Variants in MSH3 observed in about 807,000 individuals in gnomAD.
The protein encoded by MSH3 is mutS homolog 3.
A neutral mutation model predicts 123.3 loss-of-function variants in MSH3; 106 were observed. The observed-to-expected ratio is 0.86, with a 90% CI of 0.73 to 1.01. The LOEUF (loss-of-function observed/expected upper bound fraction) is 1.01. Ranked by LOEUF, MSH3 falls within the 50% of genes least tolerant of loss-of-function variation. The pLI is 0.00. For synonymous variants in MSH3, 515 were observed against 481.4 expected (o/e 1.07, Z -0.91); for missense variants, 1,459 against 1,347.6 (o/e 1.08, Z -1.29).
At chr5:80,849,782 T>C (rs901206286) in intron 20 of MSH3, among the ~76,000 whole-genome samples, 1 of 152,128 alleles carries the variant, frequency 6.6e-6, no homozygotes, top group Non-Finnish European at 1.5e-5. Context: ...CATGAAGACC[T>C]CTGACATGCC....
In MSH3 at chr5:80,665,254, A is replaced by G. The variant is rs1348473206; in HGVS notation, c.470A>G (p.Gln157Arg). 8 of 1,613,350 alleles carry G rather than the reference A, an allele frequency of 5.0e-6. No individual in the cohort carries two copies. The Admixed American group carries it at 1.0e-4, about 20-fold the overall frequency. Residue 157 changes from glutamine (Q) to arginine (R), a missense_variant, in exon 3 of 24, where the codon CAG (glutamine) becomes CGG (arginine). Physicochemically the swap from Gln to Arg is conservative, Grantham distance 43 (BLOSUM62 1). Transcript: ENST00000265081. ...PQSRVQTESL[Q>R]ERFAVLPKCT... is the part of the protein sequence containing the mutation. ...AGTAGAGTCCAGACAGAATCTCTGC[A>G]GGAGAGATTTGCAGTTCTGCCAAAA...
chr5:80,771,375 A>G (rs1365634405), intron 15 of MSH3, among the ~76,000 whole-genome samples: 1 of 151,772 alleles, frequency 6.6e-6, no homozygotes, highest in Non-Finnish European at 1.5e-5. Context: ...GCTACTCGGG[A>G]GACTAAGGTA....
chr5:80,844,383 G>A (rs1333881665), intron 20 of MSH3, among the ~76,000 whole-genome samples: 1 of 152,116 alleles, frequency 6.6e-6, no homozygotes, highest in African/African-American at 2.4e-5. Context: ...CTGTTGATTT[G>A]GGGTGTGGAG....
intron 6 of MSH3, among the ~76,000 whole-genome samples, chr5:80,674,728 AT>A (rs113148744): frequency 0.015 from 2,316 of 152,094 alleles, 44 homozygotes; most frequent in African/African-American, 0.044. Context: ...TCATTTTATT[AT>A]TTTTTTCTTT....
intron 20 of MSH3, among the ~76,000 whole-genome samples, chr5:80,853,521 A>G (rs1225806257): frequency 6.6e-6 from 1 of 152,146 alleles, no homozygotes; most frequent in Non-Finnish European, 1.5e-5. Flanking sequence ...AGGCTTTAAG[A>G]AGTCTTACAG....
chr5:80,778,997 CT>C (rs368557083), intron 17 of MSH3, among the ~76,000 whole-genome samples, 161 bp downstream of exon 17: 74 of 131,204 alleles, frequency 5.6e-4, no homozygotes, highest in Admixed American at 6.1e-4. Context: ...TTTTTTTTTA[CT>C]TTTTTTTTTT....
At chr5:80,753,590 AAC>A (rs1344298482) in intron 12 of MSH3, among the ~76,000 whole-genome samples, 3 of 152,210 alleles carry the variant, frequency 2.0e-5, no homozygotes, top group Non-Finnish European at 4.4e-5. Flanking sequence ...TGTGTTCGTT[AAC>A]ACAAAAGGCA....
intron 8 of MSH3, among the ~76,000 whole-genome samples, chr5:80,688,757 T>A (rs1283382486): frequency 3.3e-5 from 5 of 151,860 alleles, no homozygotes; most frequent in Admixed American, 3.3e-4. Context: ...TTTTTTTTTT[T>A]AAAGAATGAG....
intron 10 of MSH3, among the ~76,000 whole-genome samples, chr5:80,734,444 A>AGT (rs754543357): frequency 1.3e-5 from 2 of 152,218 alleles, no homozygotes; most frequent in Non-Finnish European, 2.9e-5. Context: ...TGAATTGCAT[A>AGT]GTGTGTGAAT....
At chr5:80,661,427 T>C (rs1749431617) in intron 2 of MSH3, among the ~76,000 whole-genome samples, 1 of 152,222 alleles carries the variant, frequency 6.6e-6, no homozygotes, top group South Asian at 2.1e-4. Flanking sequence ...CTATGTCTAA[T>C]CTGCTGTAAA....
chr5:80,755,344 C>T (rs1033534257), intron 12 of MSH3, among the ~76,000 whole-genome samples: 1 of 152,142 alleles, frequency 6.6e-6, no homozygotes, highest in African/African-American at 2.4e-5. Flanking sequence ...GCACAAACGA[C>T]CTGCAGCAAA....
At chr5:80,781,739 C>G (rs963135898) in intron 17 of MSH3, among the ~76,000 whole-genome samples, 1 of 152,000 alleles carries the variant, frequency 6.6e-6, no homozygotes, top group African/African-American at 2.4e-5. Context: ...TGTCTTTTTC[C>G]CCCTTTGAGG....
Position 80,655,185 on chromosome 5 carries a change from A to G in MSH3, c.237+221A>G, listed in dbSNP as rs190333108. On this transcript the variant is annotated intron_variant, in intron 1 of 23. Transcript: ENST00000265081. ...TTGAGGAGATAGGCAAAGGTTATGC[A>G]GGTTTTTAATGGCAGGCCTGAGACA... is the stretch of plus-strand genomic sequence containing the variant. 8 of 412,820 alleles carry G rather than the reference A, an allele frequency of 1.9e-5. No individual in the cohort carries two copies. In the East Asian group the frequency reaches 2.6e-4, roughly 14 times the overall value. 25.6% of individuals were successfully genotyped at this position (412,820 alleles called of 1,614,324 possible).
Position 80,875,989 on chromosome 5 carries a change from A to C in MSH3, c.*127A>C. The stretch of plus-strand genomic sequence containing the variant: ...AAAATTATGACCATGGTATATTCCT[A>C]TTGGAAACAGAGAGGTTTTTCTGAA... On this transcript the variant is annotated 3_prime_UTR_variant, in exon 24 of 24. Transcript: ENST00000265081. 7.4e-6 allele frequency: 5 copies of C among 677,672 alleles called. No homozygotes were observed. The Admixed American group carries it at 1.0e-4, about 14-fold the overall frequency. The allele number at this position is 677,672 out of a possible 1,614,324, so 42.0% of individuals were successfully genotyped here.
chr5:80,674,896 A>G, intron 6 of MSH3, 87 bp from the exon 7 acceptor site: 1 of 1,188,094 alleles, frequency 8.4e-7, no homozygotes, highest in Non-Finnish European at 1.2e-6. Flanking sequence ...CATTATTTTA[A>G]AGGAGAAAAT....
intron 2 of MSH3, among the ~76,000 whole-genome samples, chr5:80,664,276 C>A (rs1420882792): frequency 2.0e-5 from 3 of 152,164 alleles, no homozygotes; most frequent in African/African-American, 7.2e-5. Flanking sequence ...GAAAGCATAT[C>A]ATGGGCAAAG....
In MSH3 at chr5:80,712,488, AAT is replaced by A. The variant is rs1750879932; in HGVS notation, c.1341-12959_1341-12958del. On this transcript the variant is annotated intron_variant, in intron 8 of 23. Coordinates refer to ENST00000265081, the MANE Select transcript of MSH3 (RefSeq NM_002439.5). Reference sequence around the variant, plus strand: ...ACTTTCTTTTTATTTGTATTCACCTAATATATACCTCTAGGCAGTTGTTGTTT... The same window carrying A: ...ACTTTCTTTTTATTTGTATTCACCTAATATACCTCTAGGCAGTTGTTGTTT... Among the ~76,000 whole-genome samples, 6 of 151,978 alleles carry A rather than the reference AAT, an allele frequency of 3.9e-5. No homozygotes were observed. In the South Asian group the frequency reaches 1.2e-3, roughly 32 times the overall value.
Position 80,778,819 on chromosome 5 carries a change from A to G in MSH3, c.2418A>G (p.Glu806=), listed in dbSNP as rs1298318722. The G allele has an allele frequency of 1.9e-6, 3 of 1,582,108 alleles. No homozygotes were observed. Among genetic ancestry groups the G allele is most frequent in the Non-Finnish European group, 2.6e-6 (3 of 1,150,762 alleles). Residue 806 remains glutamate (E), a synonymous_variant, in exon 17 of 24, where the codon GAA becomes GAG. Coordinates refer to ENST00000265081, the MANE Select transcript of MSH3 (RefSeq NM_002439.5). The stretch of plus-strand genomic sequence containing the variant: ...AGCTAGTCCTTGACTGCAGTGCTGA[A>G]TGGCTTGATTTTCTAGAGTGAGTTT... ...REQLVLDCSA[E]WLDFLEKFSE... is the part of the protein sequence containing the mutation.
chr5:80,763,702 G>T (rs981637218), intron 13 of MSH3, among the ~76,000 whole-genome samples: 3 of 152,174 alleles, frequency 2.0e-5, no homozygotes, highest in Non-Finnish European at 4.4e-5. Context: ...AGTGTCCATG[G>T]CATCAAGATG....
Sources: allele counts gnomAD v4.1 joint callset (sites outside exome capture counted in the v4.1 genomes callset), GRCh38; gene constraint gnomAD v4.1.1; transcripts MANE v1.5; gene names NCBI Gene and HGNC (gene_info 2026-07-23, HGNC 2026-07-21).